Variants in EPCIP observed in about 807,000 individuals in gnomAD.
EPCIP encodes exosomal polycystin-1-interacting protein.
At chr21:32,809,297 T>A in the EPCIP span, among the ~76,000 whole-genome samples, 3 of 132,388 alleles carry the variant, frequency 2.3e-5, no homozygotes, top group African/African-American at 8.3e-5. Context: ...TCTTTCTTTC[T>A]TTCTTTCTTT....
the EPCIP span, among the ~76,000 whole-genome samples, chr21:32,800,586 G>C: frequency 1.3e-5 from 2 of 152,214 alleles, no homozygotes; most frequent in Non-Finnish European, 2.9e-5. Flanking sequence ...GGGAGGCCAA[G>C]GCAGGTAGAT....
the EPCIP span, chr21:32,793,725 T>C: frequency 1.3e-6 from 2 of 1,594,828 alleles, no homozygotes; most frequent in Admixed American, 3.3e-5. Context: ...TATTCATCAT[T>C]TGCCAAAGTT....
chr21:32,794,364 G>A, the EPCIP span: 1 of 1,614,122 alleles, frequency 6.2e-7, no homozygotes, highest in African/African-American at 1.3e-5. Flanking sequence ...AAGCAGTTAA[G>A]TGCAAAGACA....
At chr21:32,804,499 T>G in the EPCIP span, among the ~76,000 whole-genome samples, 2 of 151,870 alleles carry the variant, frequency 1.3e-5, no homozygotes, top group Non-Finnish European at 2.9e-5. Context: ...CTCATAGGCA[T>G]GCTACAATAT....
chr21:32,794,078 T>TC, the EPCIP span: 1 of 1,614,168 alleles, frequency 6.2e-7, no homozygotes, highest in Non-Finnish European at 8.5e-7. Context: ...AGCCAGGTAT[T>TC]CAGTGGGGAG....
chr21:32,813,083 G>A, the EPCIP span, among the ~76,000 whole-genome samples: 67,470 of 151,948 alleles, frequency 0.44, 16,298 homozygotes, highest in African/African-American at 0.65. Flanking sequence ...AGATAAAACA[G>A]AGCAAAGAAA....
At chr21:32,791,404 A>G in the EPCIP span, 5 of 152,204 alleles carry the variant, frequency 3.3e-5, no homozygotes, top group Non-Finnish European at 2.9e-5. Context: ...TACTTTATTA[A>G]TAAAAATTAT....
chr21:32,809,502 T>C, the EPCIP span, among the ~76,000 whole-genome samples: 1 of 151,404 alleles, frequency 6.6e-6, no homozygotes, highest in Non-Finnish European at 1.5e-5. Flanking sequence ...GCCTCCTGAG[T>C]AGCTAGGACT....
At chr21:32,806,653 C>A in the EPCIP span, among the ~76,000 whole-genome samples, 2 of 152,172 alleles carry the variant, frequency 1.3e-5, no homozygotes, top group Non-Finnish European at 2.9e-5. Flanking sequence ...TTGATTGAAT[C>A]ATAGAAATAG....
chr21:32,794,513 A>G, the EPCIP span: 1 of 1,209,968 alleles, frequency 8.3e-7, no homozygotes, highest in South Asian at 1.5e-5. Context: ...GCTTTATCAC[A>G]ACCTTTCATT....
chr21:32,809,329 T>C, the EPCIP span, among the ~76,000 whole-genome samples: 1 of 144,850 alleles, frequency 6.9e-6, no homozygotes, highest in Non-Finnish European at 1.5e-5. Flanking sequence ...TCTTTCTTTC[T>C]TTCTTTCTTT....
chr21:32,810,657 G>A, the EPCIP span: 3 of 471,512 alleles, frequency 6.4e-6, no homozygotes, highest in Non-Finnish European at 1.3e-5. Context: ...ATGCTGTCCT[G>A]TGAAGTTAAA....
chr21:32,808,331 T>A, the EPCIP span, among the ~76,000 whole-genome samples: 3 of 152,164 alleles, frequency 2.0e-5, no homozygotes, highest in African/African-American at 7.2e-5. Flanking sequence ...CCTTTACTAT[T>A]TTAATTACCT....
At chr21:32,794,657 C>T in the EPCIP span, among the ~76,000 whole-genome samples, 1 of 152,248 alleles carries the variant, frequency 6.6e-6, no homozygotes, top group African/African-American at 2.4e-5. Flanking sequence ...GCTCTTTTCT[C>T]AGCACCTCAT....
At chr21:32,793,941 A>G in the EPCIP span, 2 of 1,614,226 alleles carry the variant, frequency 1.2e-6, no homozygotes, top group Non-Finnish European at 1.7e-6. Context: ...CATGGCTGCC[A>G]GCCTTTGTGT....
At chr21:32,791,875 G>A in the EPCIP span, among the ~76,000 whole-genome samples, 24 of 151,420 alleles carry the variant, frequency 1.6e-4, no homozygotes, top group African/African-American at 5.8e-4. Context: ...TTAGACATTT[G>A]TATCACAATT....
chr21:32,811,297 A>G, the EPCIP span, among the ~76,000 whole-genome samples: 5 of 152,050 alleles, frequency 3.3e-5, no homozygotes, highest in African/African-American at 9.7e-5. Context: ...ACGCCCAGCT[A>G]ATTTTTGTAT....
chr21:32,799,153 G>A, the EPCIP span, among the ~76,000 whole-genome samples: 10 of 152,104 alleles, frequency 6.6e-5, no homozygotes, highest in Admixed American at 2.0e-4. Context: ...ATCAGGAGGC[G>A]CTATCAGAAA....
chr21:32,794,440 A>G, the EPCIP span: 2 of 1,600,914 alleles, frequency 1.2e-6, no homozygotes, highest in South Asian at 2.2e-5. Context: ...AGCATGGGCC[A>G]GCGTGTTTAT....
Sources: gnomAD v4.1 joint callset for allele counts (sites outside exome capture counted in the v4.1 genomes callset) on GRCh38, gnomAD v4.1.1 for gene constraint, MANE v1.5 for transcripts, NCBI Gene and HGNC (gene_info 2026-07-23, HGNC 2026-07-21) for gene names.